The following ARHGAP24 variants were observed in gnomAD, a reference collection of about 807,000 sequenced individuals.
ARHGAP24 encodes the protein rho GTPase-activating protein 24.
A neutral mutation model predicts 76.4 loss-of-function variants in ARHGAP24; 50 were observed. That is an observed-to-expected ratio of 0.65 (90% confidence interval 0.52 to 0.83). The LOEUF is 0.83. Ranked by LOEUF, ARHGAP24 falls within the 40% of genes least tolerant of loss-of-function variation. The pLI, the probability that ARHGAP24 is intolerant of heterozygous loss-of-function variation, is 0.00. For missense variants in ARHGAP24, 930 were observed against 914.2 expected (o/e 1.02, Z -0.22); for synonymous variants, 345 against 323.3 (o/e 1.07, Z -0.72).
chr4:85,498,351 C>CT (rs1223743322), intron 1 of ARHGAP24, among the ~76,000 whole-genome samples: 1 of 152,194 alleles, frequency 6.6e-6, no homozygotes, highest in Non-Finnish European at 1.5e-5. Context: ...TTCCTTGCTC[C>CT]TTTAAGCCAA....
At chr4:85,959,412 C>G (rs1375973474) in intron 5 of ARHGAP24, among the ~76,000 whole-genome samples, 5 of 152,118 alleles carry the variant, frequency 3.3e-5, no homozygotes, top group Non-Finnish European at 5.9e-5. Context: ...ACTTAGAATG[C>G]CTTAACCATC....
At chr4:85,626,135 C>G (rs886305050) in intron 2 of ARHGAP24, among the ~76,000 whole-genome samples, 1 of 152,156 alleles carries the variant, frequency 6.6e-6, no homozygotes, top group African/African-American at 2.4e-5. Flanking sequence ...GGTTATTTTG[C>G]TCATTAGTTG....
At chr4:85,882,712 A>G (rs1211346599) in intron 3 of ARHGAP24, among the ~76,000 whole-genome samples, 1 of 152,178 alleles carries the variant, frequency 6.6e-6, no homozygotes, top group Non-Finnish European at 1.5e-5. Flanking sequence ...GAGAATAGAG[A>G]GGTTCTCATA....
chr4:85,938,843 G>A (rs376411848), intron 4 of ARHGAP24, among the ~76,000 whole-genome samples: 7 of 148,222 alleles, frequency 4.7e-5, no homozygotes, highest in African/African-American at 1.5e-4. Context: ...TTTTTTTTCT[G>A]ACCTCCCCCA....
At chr4:85,788,028 A>G (rs1727933030) in intron 3 of ARHGAP24, among the ~76,000 whole-genome samples, 1 of 152,184 alleles carries the variant, frequency 6.6e-6, no homozygotes, top group African/African-American at 2.4e-5. Flanking sequence ...GCAGCCAAGA[A>G]AGGAAGAGAA....
intron 3 of ARHGAP24, among the ~76,000 whole-genome samples, chr4:85,816,048 G>A (rs1032267617): frequency 9.9e-5 from 15 of 152,082 alleles, no homozygotes; most frequent in Non-Finnish European, 1.5e-5. Context: ...CAGCATGGGG[G>A]AAACCACCCC....
chr4:85,697,516 A>G (rs1560590353), intron 2 of ARHGAP24, among the ~76,000 whole-genome samples: 1 of 152,264 alleles, frequency 6.6e-6, no homozygotes, highest in South Asian at 2.1e-4. Context: ...TTTTAAAAAA[A>G]TATGTCTGCA....
rs1483292344 is a variant in ARHGAP24, at chr4:85,995,345, T to C, written c.1691T>C (p.Leu564Pro). Residue 564 changes from leucine (L) to proline (P), a missense_variant, in exon 9 of 10, where the codon CTC (leucine) becomes CCC (proline). Transcript: ENST00000395184. ...TCCACTTCCTCCTGTGAAATCTCCCTCCCTGAGAACTCCAACTCCTGTCGC... is the reference window on the plus strand; with the variant it reads ...TCCACTTCCTCCTGTGAAATCTCCCCCCCTGAGAACTCCAACTCCTGTCGC... ...TWSTSSCEIS[L>P]PENSNSCRSS... 6.2e-7 allele frequency: 1 copy of C among 1,613,914 alleles called. No individual in the cohort carries two copies. Among genetic ancestry groups the C allele is most frequent in the Non-Finnish European group, 8.5e-7 (1 of 1,180,018 alleles).
chr4:85,500,824 G>A (rs528473603), intron 1 of ARHGAP24, among the ~76,000 whole-genome samples: 2 of 152,140 alleles, frequency 1.3e-5, no homozygotes, highest in East Asian at 1.9e-4. Context: ...CCATCCACTC[G>A]TCATTTACAT....
rs1209343844 is a variant in ARHGAP24 at position 85,626,980 on chromosome 4, A to AT, written c.180+56266dup. On this transcript the variant is annotated intron_variant, in intron 2 of 9. Transcript: ENST00000395184. ...GTTATTCTAGTTATCCATTCGTCTA[A>AT]TTTTTTTCAAAGCTTTTAACTTCTT... Among the ~76,000 whole-genome samples the AT allele has an allele frequency of 3.3e-5, 5 of 151,826 alleles. No individual in the cohort carries two copies. The East Asian group carries it at 7.7e-4, about 23-fold the overall frequency.
chr4:85,766,645 T>A (rs1726940931), intron 3 of ARHGAP24, among the ~76,000 whole-genome samples: 1 of 152,048 alleles, frequency 6.6e-6, no homozygotes, highest in African/African-American at 2.4e-5. Context: ...CAAAACAGCA[T>A]GTAAAAAAAC....
intron 2 of ARHGAP24, among the ~76,000 whole-genome samples, chr4:85,672,403 A>T (rs1722842683): frequency 6.6e-6 from 1 of 152,196 alleles, no homozygotes. Flanking sequence ...ACTTTGTTTC[A>T]GTTAAAGCAT....
intron 3 of ARHGAP24, among the ~76,000 whole-genome samples, chr4:85,792,281 A>G (rs1373373420): frequency 6.6e-6 from 1 of 152,208 alleles, no homozygotes; most frequent in Non-Finnish European, 1.5e-5. Context: ...TGTCAGGATT[A>G]AGAGAATTCA....
chr4:85,667,858 T>C (rs6832299), intron 2 of ARHGAP24, among the ~76,000 whole-genome samples: 4,129 of 152,296 alleles, frequency 0.027, 187 homozygotes, highest in African/African-American at 0.094. Context: ...AATTATTTAA[T>C]TGCTATTTTT....
chr4:85,779,612 T>C (rs187459930), intron 3 of ARHGAP24, among the ~76,000 whole-genome samples: 182 of 152,332 alleles, frequency 1.2e-3, no homozygotes, highest in Non-Finnish European at 1.2e-3. Context: ...ACTTTTCTTT[T>C]TTTAATGAAG....
chr4:85,860,567 T>C (rs180847451), intron 3 of ARHGAP24, among the ~76,000 whole-genome samples: 42 of 152,158 alleles, frequency 2.8e-4, no homozygotes, highest in African/African-American at 9.9e-4. Context: ...TCACTTTGAA[T>C]GCATCAATTA....
intron 2 of ARHGAP24, among the ~76,000 whole-genome samples, chr4:85,612,820 A>G (rs1159133000): frequency 1.6e-5 from 1 of 63,132 alleles, no homozygotes; most frequent in African/African-American, 5.8e-5. Context: ...TTTTTGTGGC[A>G]ATCTCGCTGT....
rs568798902 is a variant in ARHGAP24 at position 85,787,812 on chromosome 4, T to C, written c.268+65840T>C. ...CATGCTGGGTACTCCCTGAGCTGAGTACATGGGGGACAGAACTGAAAACCC... is the reference window on the plus strand; with the variant it reads ...CATGCTGGGTACTCCCTGAGCTGAGCACATGGGGGACAGAACTGAAAACCC... On this transcript the variant is annotated intron_variant, in intron 3 of 9. Coordinates refer to ENST00000395184, the MANE Select transcript of ARHGAP24 (RefSeq NM_001025616.3). Among the ~76,000 whole-genome samples the C allele has an allele frequency of 2.8e-4, 42 of 152,166 alleles. No individual in the cohort carries two copies. The South Asian group carries it at 7.3e-3, about 26-fold the overall frequency.
At chr4:85,987,615 G>A (rs1466327830) in intron 8 of ARHGAP24, among the ~76,000 whole-genome samples, 1 of 151,950 alleles carries the variant, frequency 6.6e-6, no homozygotes, top group Non-Finnish European at 1.5e-5. Context: ...TAGATCAAAT[G>A]TATTTTTAAA....
Sources: gnomAD v4.1 joint callset for allele counts (sites outside exome capture counted in the v4.1 genomes callset) on GRCh38, gnomAD v4.1.1 for gene constraint, MANE v1.5 for transcripts, NCBI Gene and HGNC (gene_info 2026-07-23, HGNC 2026-07-21) for gene names.